Variants in TBC1D32 observed in about 807,000 individuals in gnomAD.
TBC1D32 encodes protein broad-minded.
TBC1D32 carries 151 observed loss-of-function variants against 170.3 expected under a neutral mutation model. That is an observed-to-expected ratio of 0.89 (90% CI 0.78 to 1.01). The LOEUF (loss-of-function observed/expected upper bound fraction) is 1.01, where lower values mean the gene tolerates loss of function less well. TBC1D32 is among the 50% of genes least tolerant of loss of function. The probability of loss-of-function intolerance (pLI) is 0.00; values close to 1 mark genes in which losing one functional copy is unlikely to be tolerated. For missense variants in TBC1D32, 1,464 were observed against 1,457.1 expected, an observed-to-expected ratio of 1.00 and a Z score of -0.08; for synonymous variants, 498 against 488.0, an observed-to-expected ratio of 1.02 and a Z score of -0.27.
chr6:121,105,933 A>T (rs1778638220), intron 30 of TBC1D32, 90 bp downstream of exon 30: 2 of 1,292,746 alleles, frequency 1.5e-6, no homozygotes, highest in Non-Finnish European at 2.1e-6. Flanking sequence ...TTATTAATTT[A>T]AAGGTATTTC....
intron 30 of TBC1D32, among the ~76,000 whole-genome samples, chr6:121,096,717 A>G (rs1378120906): frequency 1.4e-4 from 22 of 152,186 alleles, no homozygotes; most frequent in Admixed American, 1.4e-3. Flanking sequence ...ATACGGAACC[A>G]AAAAAGATCC....
intron 30 of TBC1D32, among the ~76,000 whole-genome samples, chr6:121,093,272 G>A (rs139949122): frequency 1.7e-3 from 260 of 152,196 alleles, no homozygotes; most frequent in Non-Finnish European, 3.2e-3. Context: ...CCTGTAATAT[G>A]GCTCTAGTGG....
intron 17 of TBC1D32, among the ~76,000 whole-genome samples, chr6:121,253,917 T>C (rs1798629398): frequency 6.6e-6 from 1 of 151,982 alleles, no homozygotes; most frequent in Non-Finnish European, 1.5e-5. Flanking sequence ...AGACATTATA[T>C]GAAAAAGACA....
chr6:121,122,217 G>C (rs188825157), intron 26 of TBC1D32, among the ~76,000 whole-genome samples: 1 of 151,728 alleles, frequency 6.6e-6, no homozygotes, highest in Non-Finnish European at 1.5e-5. Context: ...ACTTCTCACC[G>C]TCTCCATTAC....
intron 17 of TBC1D32, among the ~76,000 whole-genome samples, chr6:121,252,727 A>G (rs111658175): frequency 0.019 from 2,870 of 152,228 alleles, 100 homozygotes; most frequent in African/African-American, 0.066. Flanking sequence ...CCCAGAACTT[A>G]ATGTATAATA....
In TBC1D32 at chr6:121,110,716, C is replaced by A. The variant is rs556954400; in HGVS notation, c.3324+1789G>T. On this transcript the variant is annotated intron_variant, in intron 29 of 31. Coordinates refer to ENST00000398212, the MANE Select transcript of TBC1D32 (RefSeq NM_152730.6). ...CTTTTAAATAATATATTAAGACTTA[C>A]TGAATGTACTATCAAGTCAAGTGAC... Among the ~76,000 whole-genome samples, 311 of 152,234 alleles carry A rather than the reference C, an allele frequency of 2.0e-3. 3 individuals carry two copies. The Middle Eastern group carries it at 0.037, about 18-fold the overall frequency.
At position 121,334,461 on chromosome 6, in the gene TBC1D32, C is replaced by T; in HGVS notation, c.-31G>A. ...TGGAATCAAACGTCCACTCTCATTACTCCAGGTCCGAGCAAAAGCCGCGCA... is the reference window on the plus strand; with the variant it reads ...TGGAATCAAACGTCCACTCTCATTATTCCAGGTCCGAGCAAAAGCCGCGCA... On this transcript the variant is annotated 5_prime_UTR_variant, in exon 1 of 32. Coordinates refer to ENST00000398212, the MANE Select transcript of TBC1D32 (RefSeq NM_152730.6). The T allele has an allele frequency of 6.3e-7, 1 of 1,598,786 alleles. No individual in the cohort carries two copies. Among genetic ancestry groups the T allele is most frequent in the Non-Finnish European group, 8.5e-7 (1 of 1,171,916 alleles).
chr6:121,294,700 C>G (rs559649472), intron 10 of TBC1D32, 40 bp from the exon 11 acceptor site: 3 of 1,438,262 alleles, frequency 2.1e-6, no homozygotes, highest in Non-Finnish European at 2.9e-6. Context: ...AACTTTGCAG[C>G]CCTCAAGTCC....
chr6:121,228,524 T>C (rs1795331972), intron 20 of TBC1D32, among the ~76,000 whole-genome samples: 1 of 152,180 alleles, frequency 6.6e-6, no homozygotes, highest in Non-Finnish European at 1.5e-5. Flanking sequence ...CTACAAGTTA[T>C]TTGTAAGTAT....
intron 21 of TBC1D32, among the ~76,000 whole-genome samples, chr6:121,208,725 C>T (rs1474364773): frequency 9.0e-5 from 1 of 11,150 alleles, no homozygotes; most frequent in African/African-American, 1.0e-4. Flanking sequence ...ACACGAAACA[C>T]CTGGAAAAAA....
chr6:121,098,730 G>A (rs534594071), intron 30 of TBC1D32, among the ~76,000 whole-genome samples: 1 of 152,106 alleles, frequency 6.6e-6, no homozygotes, highest in Admixed American at 6.6e-5. Flanking sequence ...GGGTACAGAA[G>A]CAGTGTACAA....
At chr6:121,309,540 A>G (rs1341186903) in intron 4 of TBC1D32, among the ~76,000 whole-genome samples, 1 of 152,176 alleles carries the variant, frequency 6.6e-6, no homozygotes, top group East Asian at 1.9e-4. Context: ...GAGAAAAATA[A>G]TTTTAAAAAT....
chr6:121,090,649 T>C (rs1776709147), intron 31 of TBC1D32, among the ~76,000 whole-genome samples: 2 of 152,204 alleles, frequency 1.3e-5, no homozygotes, highest in Non-Finnish European at 1.5e-5. Flanking sequence ...TTATTTCATA[T>C]TCCAGTTCCA....
At chr6:121,126,342 G>T in intron 26 of TBC1D32, 36 bp downstream of exon 26, 2 of 1,460,460 alleles carry the variant, frequency 1.4e-6, no homozygotes, top group East Asian at 2.3e-5. Flanking sequence ...GTTACATACT[G>T]AGTCTTTTTC....
chr6:121,226,629 T>C (rs1267931425), intron 20 of TBC1D32, among the ~76,000 whole-genome samples: 1 of 152,148 alleles, frequency 6.6e-6, no homozygotes, highest in Non-Finnish European at 1.5e-5. Context: ...ATTAAAAACA[T>C]GTCCAATAGA....
chr6:121,210,124 ATAC>A (rs1792860771), intron 21 of TBC1D32, among the ~76,000 whole-genome samples: 1 of 152,232 alleles, frequency 6.6e-6, no homozygotes, highest in Admixed American at 6.5e-5. Flanking sequence ...ATTTTGGTAG[ATAC>A]CTGACATGAA....
At chr6:121,298,440 T>C (rs759634915) in intron 10 of TBC1D32, among the ~76,000 whole-genome samples, 1 of 152,086 alleles carries the variant, frequency 6.6e-6, no homozygotes, top group Non-Finnish European at 1.5e-5. Flanking sequence ...TGAGTCATTA[T>C]CTGTACATAA....
At chr6:121,213,531 A>C (rs552308913) in intron 21 of TBC1D32, among the ~76,000 whole-genome samples, 2,963 of 87,032 alleles carry the variant, frequency 0.034, 123 homozygotes, top group Non-Finnish European at 0.047. Context: ...AAATAAATAA[A>C]ATAAAATAAA....
chr6:121,101,631 A>C (rs1396935461), intron 30 of TBC1D32, among the ~76,000 whole-genome samples: 1 of 152,204 alleles, frequency 6.6e-6, no homozygotes, highest in Non-Finnish European at 1.5e-5. Context: ...AGCCAGTATC[A>C]CACTGAATGG....
Sources: allele counts gnomAD v4.1 joint callset (sites outside exome capture counted in the v4.1 genomes callset), GRCh38; gene constraint gnomAD v4.1.1; transcripts MANE v1.5; gene names NCBI Gene and HGNC (gene_info 2026-07-23, HGNC 2026-07-21).